The following PTTG1IP variants were observed in gnomAD, a reference collection of about 807,000 sequenced individuals.
PTTG1IP encodes pituitary tumor-transforming gene 1 protein-interacting protein.
Under a neutral mutation model 24.4 loss-of-function variants are expected in PTTG1IP, and 16 were observed. The ratio of observed to expected loss-of-function variants is 0.66; its 90% confidence interval spans 0.44 to 1.00. The LOEUF (loss-of-function observed/expected upper bound fraction) is 1.00. Among genes scored for constraint, PTTG1IP ranks in the 50% least tolerant of loss-of-function variants. The pLI, the probability that PTTG1IP is intolerant of heterozygous loss-of-function variation, is 0.00. For missense variants in PTTG1IP, 241 were observed against 245.8 expected (o/e 0.98, Z 0.13); for synonymous variants, 89 against 96.8 (o/e 0.92, Z 0.47).
chr21:44,856,468 A>AT, intron 3 of PTTG1IP, 104 bp from the exon 4 acceptor site: 3 of 1,316,204 alleles, frequency 2.3e-6, no homozygotes, highest in Non-Finnish European at 3.1e-6. Flanking sequence ...ACACAGGAGC[A>AT]TAAGGAGGAA....
chr21:44,867,981 A>G (rs1569327127), intron 1 of PTTG1IP, among the ~76,000 whole-genome samples: 1 of 152,244 alleles, frequency 6.6e-6, no homozygotes, highest in Non-Finnish European at 1.5e-5. Context: ...ATTTTGTCAC[A>G]TATTCTATAG....
chr21:44,868,626 A>C (rs1204209924), intron 1 of PTTG1IP, among the ~76,000 whole-genome samples: 3 of 152,202 alleles, frequency 2.0e-5, no homozygotes, highest in African/African-American at 7.2e-5. Flanking sequence ...CATCAAAATA[A>C]ATGATAACAG....
chr21:44,865,421 A>C lies in PTTG1IP; in HGVS notation c.142T>G (p.Cys48Gly). 8.1e-6 allele frequency: 13 copies of C among 1,614,144 alleles called. No homozygotes were observed. Among genetic ancestry groups the C allele is most frequent in the Non-Finnish European group, 1.0e-5 (12 of 1,180,034 alleles). ...AACSQNTNKTCEECLKNVSCL... is the reference protein window; with the variant it reads ...AACSQNTNKTGEECLKNVSCL... ...GAGACGTTCTTCAGGCACTCTTCAC[A>C]GGTTTTGTTTGTGTTCTGAGAACAA... Residue 48 changes from cysteine (C) to glycine (G), a missense_variant, in exon 2 of 6, where the codon TGT becomes GGT. By Grantham distance (159) the Cys-to-Gly change is radical. Coordinates refer to ENST00000330938, the MANE Select transcript of PTTG1IP (RefSeq NM_004339.4).
At chr21:44,862,610 C>T (rs2083500793) in intron 2 of PTTG1IP, among the ~76,000 whole-genome samples, 1 of 152,224 alleles carries the variant, frequency 6.6e-6, no homozygotes, top group African/African-American at 2.4e-5. Flanking sequence ...TACTCCCAAT[C>T]TCCACATTAA....
At chr21:44,862,010 C>T (rs2083495651) in intron 2 of PTTG1IP, 9 of 617,264 alleles carry the variant, frequency 1.5e-5, no homozygotes, top group South Asian at 3.6e-5. Flanking sequence ...ACCTCATAGA[C>T]GCTCTTGTCT....
chr21:44,853,155 AGTGTGTGC>A (rs914567332), intron 5 of PTTG1IP, among the ~76,000 whole-genome samples: 3 of 152,166 alleles, frequency 2.0e-5, no homozygotes, highest in African/African-American at 4.8e-5. Context: ...GGTGCTGGGC[AGTGTGTGC>A]GTGTGTGCGC....
At chr21:44,858,808 T>C (rs530729166) in intron 3 of PTTG1IP, among the ~76,000 whole-genome samples, 2 of 152,256 alleles carry the variant, frequency 1.3e-5, no homozygotes, top group South Asian at 4.1e-4. Flanking sequence ...GAAATGCAGG[T>C]GAGAAGCACA....
At chr21:44,864,320 G>C (rs1341712132) in intron 2 of PTTG1IP, among the ~76,000 whole-genome samples, 5 of 152,272 alleles carry the variant, frequency 3.3e-5, no homozygotes, top group Admixed American at 2.6e-4. Context: ...GCAAGCCCAA[G>C]AGGTGCCAGC....
Position 44,851,468 on chromosome 21 carries a change from C to G in PTTG1IP, c.*113G>C. ...CCGGCCGCCTGTCCTGGAAGGCTGG[C>G]AGGTTCACTGGCCAAGGTCAGGAGA... On this transcript the variant is annotated 3_prime_UTR_variant, in exon 6 of 6. Coordinates refer to ENST00000330938, the MANE Select transcript of PTTG1IP (RefSeq NM_004339.4). The G allele has an allele frequency of 6.2e-7, 1 of 1,611,454 alleles. No homozygotes were observed. The highest frequency in any genetic ancestry group is 8.5e-7 in the Non-Finnish European group (1 of 1,179,840).
chr21:44,861,996 G>A (rs2083495563), intron 2 of PTTG1IP: 1 of 633,950 alleles, frequency 1.6e-6, no homozygotes, highest in Non-Finnish European at 2.9e-6. Flanking sequence ...GACAGCTGGA[G>A]AGAACCTCAT....
Position 44,865,428 on chromosome 21 carries a change from G to T in PTTG1IP, c.135C>A (p.Asn45Lys). The T allele has an allele frequency of 6.2e-7, 1 of 1,614,190 alleles. No individual in the cohort carries two copies. Residue 45 changes from asparagine (N) to lysine (K), a missense_variant, in exon 2 of 6, where the codon AAC becomes AAA. By Grantham distance (94) the Asn-to-Lys change is moderately conservative. Transcript: ENST00000330938. The part of the protein sequence containing the change: ...PPGAACSQNT[N>K]KTCEECLKNV... ...TCTTCAGGCACTCTTCACAGGTTTTGTTTGTGTTCTGAGAACAAGCTGCAG... is the reference window on the plus strand; with the variant it reads ...TCTTCAGGCACTCTTCACAGGTTTTTTTTGTGTTCTGAGAACAAGCTGCAG...
chr21:44,864,542 A>G (rs1446990764), intron 2 of PTTG1IP, among the ~76,000 whole-genome samples: 1 of 152,104 alleles, frequency 6.6e-6, no homozygotes, highest in Non-Finnish European at 1.5e-5. Context: ...GATTACAGGC[A>G]CCCGCCACCA....
rs774045306 is a variant in PTTG1IP at position 44,849,940 on chromosome 21, T to C, written c.*1641A>G. 8 of 152,192 alleles carry C rather than the reference T, an allele frequency of 5.3e-5. No homozygotes were observed. Among genetic ancestry groups the C allele is most frequent in the Non-Finnish European group, 8.8e-5 (6 of 68,030 alleles). The allele number at this position is 152,192 out of a possible 1,614,324, so 9.4% of individuals were successfully genotyped here. On this transcript the variant is annotated 3_prime_UTR_variant, in exon 6 of 6. Transcript: ENST00000330938. ...ATTTTGATGGCTGCTATAAAATACTTAGGAATCTCTGCAATACTTTACTAC... is the reference window on the plus strand; with the variant it reads ...ATTTTGATGGCTGCTATAAAATACTCAGGAATCTCTGCAATACTTTACTAC...
rs755983951 is a variant in PTTG1IP at position 44,851,470 on chromosome 21, G to A, written c.*111C>T. 6.2e-7 allele frequency: 1 copy of A among 1,611,800 alleles called. No individual in the cohort carries two copies. Among genetic ancestry groups the A allele is most frequent in the Non-Finnish European group, 8.5e-7 (1 of 1,179,868 alleles). The stretch of plus-strand genomic sequence containing the variant: ...GGCCGCCTGTCCTGGAAGGCTGGCA[G>A]GTTCACTGGCCAAGGTCAGGAGACC... On this transcript the variant is annotated 3_prime_UTR_variant, in exon 6 of 6. Transcript: ENST00000330938.
chr21:44,870,007 G>T (rs999988848), intron 1 of PTTG1IP, among the ~76,000 whole-genome samples: 1 of 152,102 alleles, frequency 6.6e-6, no homozygotes, highest in Non-Finnish European at 1.5e-5. Flanking sequence ...CTGGATTACC[G>T]GTCAGTCTGA....
chr21:44,866,893 T>C (rs1803533852), intron 1 of PTTG1IP, among the ~76,000 whole-genome samples: 3 of 152,340 alleles, frequency 2.0e-5, no homozygotes, highest in South Asian at 4.1e-4. Context: ...GAAGTGTAAA[T>C]GGCTCAACCA....
chr21:44,866,680 AAC>A lies in PTTG1IP; in HGVS notation c.116-1235_116-1234del, dbSNP rs34646417. On this transcript the variant is annotated intron_variant, in intron 1 of 5. Coordinates refer to ENST00000330938, the MANE Select transcript of PTTG1IP (RefSeq NM_004339.4). ...CACAGACTGCCTACTCCAATCCCAT[AAC>A]ACACACACACACACACACACACAAA... 3.7e-3 allele frequency among the ~76,000 whole-genome samples: 539 copies of A among 144,768 alleles called. 3 individuals are homozygous for A. The highest frequency in any genetic ancestry group is 9.8e-3 in the East Asian group (47 of 4,786). The allele number at this position is 144,768 out of a possible 152,430, so 95.0% of individuals were successfully genotyped here. A position where few individuals can be genotyped will look rare whatever the true frequency, so the allele number is the denominator to read the frequency against.
intron 3 of PTTG1IP, among the ~76,000 whole-genome samples, chr21:44,860,632 C>A (rs1330370195): frequency 6.6e-6 from 1 of 152,060 alleles, no homozygotes; most frequent in East Asian, 1.9e-4. Flanking sequence ...CCTTCTGTAA[C>A]GTGGTGAGAT....
At chr21:44,852,971 G>GCAATT (rs914621571) in intron 5 of PTTG1IP, among the ~76,000 whole-genome samples, 3 of 152,132 alleles carry the variant, frequency 2.0e-5, no homozygotes, top group Admixed American at 1.3e-4. Flanking sequence ...TTTCATCAAT[G>GCAATT]CAATTAAAGG....
Sources: gnomAD v4.1 joint callset for allele counts (sites outside exome capture counted in the v4.1 genomes callset) on GRCh38, gnomAD v4.1.1 for gene constraint, MANE v1.5 for transcripts, NCBI Gene and HGNC (gene_info 2026-07-23, HGNC 2026-07-21) for gene names.